Variants in ORC4 observed in about 807,000 individuals in gnomAD.
The protein encoded by ORC4 is origin recognition complex, subunit 4 homolog.
Under a neutral mutation model 63.9 loss-of-function variants are expected in ORC4, and 55 were observed. The ratio of observed to expected loss-of-function variants is 0.86; its 90% CI spans 0.69 to 1.08. The LOEUF is 1.08. ORC4 is among the 50% of genes least tolerant of loss of function. The pLI, the probability that ORC4 is intolerant of heterozygous loss-of-function variation, is 0.00. For missense variants in ORC4, 511 were observed against 504.4 expected (o/e 1.01, Z -0.13); for synonymous variants, 150 against 168.5 (o/e 0.89, Z 0.85).
At chr2:147,992,578 T>A (rs193019427) in intron 1 of ORC4, among the ~76,000 whole-genome samples, 1 of 152,310 alleles carries the variant, frequency 6.6e-6, no homozygotes, top group East Asian at 1.9e-4. Flanking sequence ...TCTTGCAATA[T>A]CAATTACTTC....
rs185991209 is a variant in ORC4 at position 147,934,530 on chromosome 2, G to C, written c.*980C>G. 1 of 152,026 alleles carries C rather than the reference G, an allele frequency of 6.6e-6. No homozygotes were observed. Among genetic ancestry groups the C allele is most frequent in the African/African-American group, 2.4e-5 (1 of 41,396 alleles). The allele number at this position is 152,026 out of a possible 1,614,324, so 9.4% of individuals were successfully genotyped here. A position where few individuals can be genotyped will look rare whatever the true frequency, so the allele number is the denominator to read the frequency against. ...TCACGTCACTTCATGATGGGGCTAC[G>C]TTCTGAGAAATGTGTCTTTGGGTGA... On this transcript the variant is annotated 3_prime_UTR_variant, in exon 14 of 14. Coordinates refer to ENST00000392857, the MANE Select transcript of ORC4 (RefSeq NM_181741.4).
chr2:148,002,269 G>A (rs1692363398), intron 1 of ORC4, among the ~76,000 whole-genome samples: 2 of 152,114 alleles, frequency 1.3e-5, no homozygotes, highest in Non-Finnish European at 2.9e-5. Flanking sequence ...GGACCTAATA[G>A]ACATCTACAG....
At position 148,013,998 on chromosome 2, in the gene ORC4, G is replaced by A. The variant is rs189087707; in HGVS notation, c.-18+6635C>T. ...GGACATTTTCCTGTCTAGAAGAAAA[G>A]GCTGAGAAAAAAGGCTGAGCTAATG... On this transcript the variant is annotated intron_variant, in intron 1 of 13. Coordinates refer to ENST00000392857, the MANE Select transcript of ORC4 (RefSeq NM_181741.4). Among the ~76,000 whole-genome samples the A allele has an allele frequency of 3.3e-5, 5 of 152,230 alleles. No homozygotes were observed. The East Asian group carries it at 7.7e-4, about 24-fold the overall frequency.
Position 147,935,415 on chromosome 2 carries a change from T to C in ORC4, c.*95A>G. The C allele has an allele frequency of 1.1e-6, 1 of 925,616 alleles. No individual in the cohort carries two copies. 57.3% of individuals were successfully genotyped at this position (925,616 alleles called of 1,614,324 possible). On this transcript the variant is annotated 3_prime_UTR_variant, in exon 14 of 14. Transcript: ENST00000392857. The stretch of plus-strand genomic sequence containing the variant: ...AGTCTCACATAAATACAAGAATGTT[T>C]ATAGAATGTTTAGCATATCATGTTA...
At chr2:147,986,235 C>A (rs1691195173) in intron 1 of ORC4, among the ~76,000 whole-genome samples, 1 of 152,002 alleles carries the variant, frequency 6.6e-6, no homozygotes, top group Non-Finnish European at 1.5e-5. Context: ...AATCTTTCTC[C>A]TCTAATAAAA....
At chr2:147,973,091 A>G (rs1690317069) in intron 3 of ORC4, among the ~76,000 whole-genome samples, 1 of 152,158 alleles carries the variant, frequency 6.6e-6, no homozygotes, top group Non-Finnish European at 1.5e-5. Flanking sequence ...GACAAGGGAC[A>G]ATAGTGGCAA....
chr2:147,952,611 A>T (rs1689022767), intron 7 of ORC4, 87 bp from the exon 8 acceptor site: 1 of 1,045,678 alleles, frequency 9.6e-7, no homozygotes. Context: ...TTCAGTTTTT[A>T]AAACTCAATT....
chr2:147,939,088 T>C (rs1688220426), intron 11 of ORC4, 52 bp downstream of exon 11: 1 of 1,067,502 alleles, frequency 9.4e-7, no homozygotes, highest in Non-Finnish European at 1.5e-6. Context: ...TTCCATTATC[T>C]AAATTCAAAG....
At position 147,935,621 on chromosome 2, in the gene ORC4, C is replaced by T. The variant is rs1487041455; in HGVS notation, c.1200G>A (p.Gln400=). The change falls in exon 14 of 14, where the codon CAG becomes CAA. Residue 400 remains glutamine (Q), a synonymous_variant. Coordinates refer to ENST00000392857, the MANE Select transcript of ORC4 (RefSeq NM_181741.4). The stretch of plus-strand genomic sequence containing the variant: ...TATTATCCAAAAGCAGTTTCATCAG[C>T]TGGTACTCTCTCTGTGAATTTCCTG... ...RTSGNSQREY[Q]LMKLLLDNTQ... is the part of the protein sequence containing the mutation. 1 of 1,613,434 alleles carries T rather than the reference C, an allele frequency of 6.2e-7. No individual in the cohort carries two copies. The highest frequency in any genetic ancestry group is 1.7e-5 in the Admixed American group (1 of 60,002).
intron 1 of ORC4, among the ~76,000 whole-genome samples, chr2:147,982,986 A>T (rs1690977770): frequency 6.6e-6 from 1 of 152,260 alleles, no homozygotes; most frequent in Admixed American, 6.5e-5. Flanking sequence ...GATGTTTAAT[A>T]TCATTATCCG....
chr2:147,964,870 T>C (rs1406179168), intron 4 of ORC4, among the ~76,000 whole-genome samples: 1 of 152,168 alleles, frequency 6.6e-6, no homozygotes, highest in Non-Finnish European at 1.5e-5. Flanking sequence ...CAACAGCAGA[T>C]TTCTTAAGAG....
Position 147,940,325 on chromosome 2 carries a change from T to C in ORC4, c.850-1077A>G, listed in dbSNP as rs942896085. Among the ~76,000 whole-genome samples the C allele has an allele frequency of 3.9e-5, 6 of 152,156 alleles. No individual in the cohort carries two copies. The South Asian group carries it at 1.2e-3, about 32-fold the overall frequency. On this transcript the variant is annotated intron_variant, in intron 10 of 13. Transcript: ENST00000392857. ...CATCATATTTGTAGTCTTTTATCCC[T>C]CGCCCCACTGGAAAACAATGTGGAG...
intron 1 of ORC4, among the ~76,000 whole-genome samples, chr2:147,983,795 G>A (rs534944388): frequency 1.7e-4 from 26 of 152,288 alleles, no homozygotes; most frequent in South Asian, 1.7e-3. Context: ...GAAAGAGATT[G>A]TAGACACGGC....
At chr2:147,958,429 T>C in intron 5 of ORC4, 46 bp from the exon 6 acceptor site, 3 of 1,357,820 alleles carry the variant, frequency 2.2e-6, no homozygotes, top group Non-Finnish European at 3.1e-6. Flanking sequence ...ATTAAACATG[T>C]ATTTGATACA....
intron 7 of ORC4, 73 bp from the exon 8 acceptor site, chr2:147,952,597 A>G (rs1689021343): frequency 5.7e-6 from 7 of 1,227,356 alleles, no homozygotes; most frequent in South Asian, 1.2e-5. Context: ...ACCATTTACT[A>G]TATTTCAGTT....
chr2:147,971,034 G>A (rs186765892), intron 4 of ORC4, among the ~76,000 whole-genome samples: 4 of 152,220 alleles, frequency 2.6e-5, no homozygotes, highest in South Asian at 2.1e-4. Context: ...GTACTCAGGA[G>A]GCTGAGGTGG....
At chr2:147,956,217 CAT>C (rs1245672908) in intron 6 of ORC4, among the ~76,000 whole-genome samples, 1 of 152,002 alleles carries the variant, frequency 6.6e-6, no homozygotes, top group African/African-American at 2.4e-5. Flanking sequence ...AGAGATCTAA[CAT>C]AAAAATAGCA....
chr2:147,989,076 T>C (rs569257479), intron 1 of ORC4, among the ~76,000 whole-genome samples: 1 of 152,310 alleles, frequency 6.6e-6, no homozygotes, highest in South Asian at 2.1e-4. Context: ...ATAACATACA[T>C]AGAGAGTTCA....
chr2:147,936,040 A>T (rs977933678), intron 13 of ORC4, among the ~76,000 whole-genome samples: 1 of 152,118 alleles, frequency 6.6e-6, no homozygotes, highest in Non-Finnish European at 1.5e-5. Context: ...CTCTGTAAAA[A>T]CCTAAGAATC....
Sources: allele counts gnomAD v4.1 joint callset (sites outside exome capture counted in the v4.1 genomes callset), GRCh38; gene constraint gnomAD v4.1.1; transcripts MANE v1.5; gene names NCBI Gene and HGNC (gene_info 2026-07-23, HGNC 2026-07-21).